Variants in CNTN4 observed in about 807,000 individuals in gnomAD.
CNTN4 encodes the protein contactin 4, also known as contactin-4.
In CNTN4, 77 loss-of-function variants were observed where a neutral mutation model predicts 122.5. The observed-to-expected ratio is 0.63, with a 90% CI of 0.52 to 0.76. The LOEUF is 0.76. Among genes scored for constraint, CNTN4 ranks in the 30% least tolerant of loss-of-function variants. CNTN4 has a pLI of 0.00. For missense variants in CNTN4, 1,256 were observed against 1,259.1 expected, an observed-to-expected ratio of 1.00 and a Z score of 0.04; for synonymous variants, 512 against 447.0, an observed-to-expected ratio of 1.15 and a Z score of -1.83.
intron 4 of CNTN4, among the ~76,000 whole-genome samples, chr3:2,626,780 A>G (rs1323770632): frequency 2.0e-5 from 3 of 152,172 alleles, no homozygotes; most frequent in African/African-American, 7.2e-5. Flanking sequence ...ATTTAACTTC[A>G]TGAGTCTGTT....
At chr3:2,224,215 C>T (rs1287827266) in intron 2 of CNTN4, among the ~76,000 whole-genome samples, 1 of 152,186 alleles carries the variant, frequency 6.6e-6, no homozygotes, top group African/African-American at 2.4e-5. Context: ...TTTAGGGTGG[C>T]ACATTCTGGT....
intron 3 of CNTN4, among the ~76,000 whole-genome samples, chr3:2,395,030 G>T (rs2150919837): frequency 6.6e-6 from 1 of 152,134 alleles, no homozygotes; most frequent in Middle Eastern, 3.4e-3. Context: ...CAAGTCATCT[G>T]CCTGCCTTGG....
chr3:2,436,782 A>T (rs146572688), intron 3 of CNTN4, among the ~76,000 whole-genome samples: 17 of 147,562 alleles, frequency 1.2e-4, no homozygotes, highest in African/African-American at 4.4e-4. Flanking sequence ...TATATGAAAT[A>T]TATGTATATA....
intron 2 of CNTN4, among the ~76,000 whole-genome samples, chr3:2,280,588 T>A (rs952191750): frequency 6.6e-6 from 1 of 152,110 alleles, no homozygotes; most frequent in African/African-American, 2.4e-5. Flanking sequence ...CATTGAAGGG[T>A]CTTTAGCTAT....
intron 7 of CNTN4, among the ~76,000 whole-genome samples, chr3:2,843,277 C>T (rs1335768123): frequency 6.6e-6 from 1 of 152,104 alleles, no homozygotes. Flanking sequence ...TGCCACCATT[C>T]AATCTGTTTG....
At chr3:2,480,159 C>T (rs2075950378) in intron 3 of CNTN4, among the ~76,000 whole-genome samples, 1 of 151,960 alleles carries the variant, frequency 6.6e-6, no homozygotes, top group Admixed American at 6.6e-5. Context: ...CTACAGTTAA[C>T]ATCATACTTA....
At chr3:2,999,060 G>T (rs563502602) in intron 14 of CNTN4, 1 of 152,048 alleles carries the variant, frequency 6.6e-6, no homozygotes. Flanking sequence ...TTACATCCAG[G>T]CTGTATTCAA....
chr3:2,880,898 C>G (rs1251838932), intron 8 of CNTN4, among the ~76,000 whole-genome samples: 1 of 152,030 alleles, frequency 6.6e-6, no homozygotes, highest in African/African-American at 2.4e-5. Flanking sequence ...GGATAAGCGT[C>G]CCTTCAAGAA....
chr3:2,874,669 C>T (rs563134878), intron 8 of CNTN4, among the ~76,000 whole-genome samples: 2 of 152,092 alleles, frequency 1.3e-5, no homozygotes, highest in Non-Finnish European at 2.9e-5. Flanking sequence ...GTAAGAACTA[C>T]CTTGGAGCAG....
intron 4 of CNTN4, among the ~76,000 whole-genome samples, chr3:2,645,640 A>T (rs1366632047): frequency 6.6e-6 from 1 of 152,192 alleles, no homozygotes; most frequent in Admixed American, 6.6e-5. Context: ...AAGATGTTGC[A>T]TTTAAAAATT....
chr3:2,701,451 C>T (rs1231163355), intron 4 of CNTN4, among the ~76,000 whole-genome samples: 1 of 152,122 alleles, frequency 6.6e-6, no homozygotes, highest in Non-Finnish European at 1.5e-5. Flanking sequence ...CAGTGGTTTT[C>T]CCCCCAGCGT....
rs1348808118 is a variant in CNTN4 at position 2,174,307 on chromosome 3, A to G, written c.-145+73668A>G. Among the ~76,000 whole-genome samples the G allele has an allele frequency of 7.2e-5, 11 of 152,340 alleles. No homozygotes were observed. The East Asian group carries it at 2.1e-3, about 29-fold the overall frequency. ...CTAAGCCATTTCTTTTCTTATAAAT[A>G]TGCATACATGTCTTAGTTCATTCAT... On this transcript the variant is annotated intron_variant, in intron 2 of 24. Coordinates refer to ENST00000418658, the MANE Select transcript of CNTN4 (RefSeq NM_175607.3).
intron 3 of CNTN4, among the ~76,000 whole-genome samples, chr3:2,404,520 A>G (rs1386144996): frequency 6.6e-6 from 1 of 151,796 alleles, no homozygotes; most frequent in Non-Finnish European, 1.5e-5. Context: ...CTCCCTTTCT[A>G]CCTCATCTGT....
intron 3 of CNTN4, among the ~76,000 whole-genome samples, chr3:2,382,555 C>G (rs2046068058): frequency 6.6e-6 from 1 of 152,180 alleles, no homozygotes; most frequent in African/African-American, 2.4e-5. Flanking sequence ...CTAAAAAATT[C>G]TAGTTCCTAA....
chr3:2,157,625 A>G (rs1368187119), intron 2 of CNTN4, among the ~76,000 whole-genome samples: 1 of 152,216 alleles, frequency 6.6e-6, no homozygotes, highest in Non-Finnish European at 1.5e-5. Flanking sequence ...CTCATCTACA[A>G]AAATGTGCTT....
intron 3 of CNTN4, among the ~76,000 whole-genome samples, chr3:2,521,348 C>CCG (rs1553678464): frequency 1.0e-4 from 8 of 78,314 alleles, no homozygotes; most frequent in East Asian, 6.1e-4. Flanking sequence ...ACCCATCCCC[C>CCG]CCACCCCCCG....
chr3:2,663,674 A>C (rs193132698), intron 4 of CNTN4, among the ~76,000 whole-genome samples: 4 of 152,224 alleles, frequency 2.6e-5, no homozygotes, highest in Non-Finnish European at 5.9e-5. Context: ...GAATTTGTCC[A>C]TGAAGAATCT....
chr3:2,533,037 ATTATTGACTTTCT>A (rs1342475164), intron 3 of CNTN4, among the ~76,000 whole-genome samples: 15 of 151,932 alleles, frequency 9.9e-5, no homozygotes, highest in African/African-American at 2.7e-4. Flanking sequence ...TCTTGTTTTC[ATTATTGACTTTCT>A]TTATGAATTC....
chr3:2,622,142 G>A (rs1190440663), intron 4 of CNTN4, among the ~76,000 whole-genome samples: 1 of 152,076 alleles, frequency 6.6e-6, no homozygotes, highest in Non-Finnish European at 1.5e-5. Flanking sequence ...TTGCTTTGCT[G>A]TTTCTAGATT....
Sources: gnomAD v4.1 joint callset for allele counts (sites outside exome capture counted in the v4.1 genomes callset) on GRCh38, gnomAD v4.1.1 for gene constraint, MANE v1.5 for transcripts, NCBI Gene and HGNC (gene_info 2026-07-23, HGNC 2026-07-21) for gene names.